The following CHODL variants were observed in gnomAD, a reference collection of about 807,000 sequenced individuals.
The protein encoded by CHODL is transmembrane protein MT75.
Under a neutral mutation model 34.5 loss-of-function variants are expected in CHODL, and 29 were observed. That is an observed-to-expected ratio of 0.84 (90% CI 0.63 to 1.15). The LOEUF (loss-of-function observed/expected upper bound fraction) is 1.15. Ranked by LOEUF, CHODL falls within the 50% of genes most tolerant of loss-of-function variation. The pLI, the probability that CHODL is intolerant of heterozygous loss-of-function variation, is 0.00. For missense variants in CHODL, 332 were observed against 332.5 expected, an observed-to-expected ratio of 1.00 and a Z score of 0.01; for synonymous variants, 125 against 116.1, an observed-to-expected ratio of 1.08 and a Z score of -0.49.
intron 1 of CHODL, among the ~76,000 whole-genome samples, chr21:17,997,726 A>G (rs1289500804): frequency 6.6e-6 from 1 of 152,146 alleles, no homozygotes; most frequent in African/African-American, 2.4e-5. Flanking sequence ...TGCCCATCGG[A>G]TCTCCTGAGA....
At chr21:18,055,829 T>C (rs1054646662) in intron 2 of CHODL, among the ~76,000 whole-genome samples, 2 of 152,098 alleles carry the variant, frequency 1.3e-5, no homozygotes, top group African/African-American at 4.8e-5. Context: ...AATATGTTCA[T>C]AAGAATTCAA....
Position 18,234,946 on chromosome 21 carries a change from T to A in CHODL, c.-44-21563T>A, listed in dbSNP as rs555869392. On this transcript the variant is annotated intron_variant, in intron 2 of 6. Coordinates refer to the CHODL transcript ENST00000400127. ...CTTCAAGTACTAAATGAATTAGTTT[T>A]ATCCATCTGGAAAAGGAAAGAAATA... is the stretch of plus-strand genomic sequence containing the variant. Among the ~76,000 whole-genome samples the A allele has an allele frequency of 2.3e-3, 357 of 152,254 alleles. 3 individuals carry two copies. The highest frequency in any genetic ancestry group is 8.0e-3 in the African/African-American group (332 of 41,560).
At chr21:18,229,130 G>T (rs763696241) in intron 2 of CHODL, among the ~76,000 whole-genome samples, 1 of 152,070 alleles carries the variant, frequency 6.6e-6, no homozygotes, top group Non-Finnish European at 1.5e-5. Flanking sequence ...ATATGATGGA[G>T]CATATAAAAT....
intron 2 of CHODL, among the ~76,000 whole-genome samples, chr21:18,222,296 C>T (rs189333284): frequency 3.9e-5 from 6 of 152,134 alleles, no homozygotes; most frequent in South Asian, 4.2e-4. Flanking sequence ...TCCTGAGGCT[C>T]TCTGCACTAA....
chr21:17,959,471 C>G (rs572714591), intron 1 of CHODL, among the ~76,000 whole-genome samples: 1 of 152,280 alleles, frequency 6.6e-6, no homozygotes, highest in South Asian at 2.1e-4. Flanking sequence ...AAATTCTATA[C>G]TCTGACTTTT....
rs1021577906 is a variant in CHODL, at chr21:18,266,586, A to G, written c.*548A>G. On this transcript the variant is annotated 3_prime_UTR_variant, in exon 6 of 6. Coordinates refer to ENST00000299295, the MANE Select transcript of CHODL (RefSeq NM_024944.3). ...CACACACAAATATAGTACCATAGAA[A>G]AAGTTTGTTTTCTCGAAATAATTCA... 2 of 153,022 alleles carry G rather than the reference A, an allele frequency of 1.3e-5. No individual in the cohort carries two copies. The highest frequency in any genetic ancestry group is 2.4e-5 in the African/African-American group (1 of 41,444). The allele number at this position is 153,022 out of a possible 1,614,324, so 9.5% of individuals were successfully genotyped here. A position where few individuals can be genotyped will look rare whatever the true frequency, so the allele number is the denominator to read the frequency against.
At chr21:18,214,041 T>C (rs2073799551) in intron 2 of CHODL, among the ~76,000 whole-genome samples, 1 of 152,068 alleles carries the variant, frequency 6.6e-6, no homozygotes, top group African/African-American at 2.4e-5. Context: ...TCTCAAGAAG[T>C]TCAATGAGTC....
At chr21:18,089,847 T>A (rs1023492713) in intron 2 of CHODL, among the ~76,000 whole-genome samples, 1 of 152,210 alleles carries the variant, frequency 6.6e-6, no homozygotes, top group African/African-American at 2.4e-5. Context: ...TTTATCTTGA[T>A]AAGCCAAAGC....
At chr21:17,961,456 T>G (rs1396587262) in intron 1 of CHODL, among the ~76,000 whole-genome samples, 2 of 152,214 alleles carry the variant, frequency 1.3e-5, no homozygotes, top group Non-Finnish European at 2.9e-5. Flanking sequence ...AGAGAAAAGC[T>G]TCATTATTTA....
intron 1 of CHODL, among the ~76,000 whole-genome samples, chr21:17,934,446 T>C (rs751520331): frequency 6.6e-6 from 1 of 151,988 alleles, no homozygotes; most frequent in Non-Finnish European, 1.5e-5. Flanking sequence ...TCTCTCTCTC[T>C]CCCTATTAGT....
chr21:18,228,126 C>T (rs1262897611), intron 2 of CHODL, among the ~76,000 whole-genome samples: 4 of 151,986 alleles, frequency 2.6e-5, no homozygotes, highest in East Asian at 1.9e-4. Flanking sequence ...CCCTGAAGTC[C>T]TCTTATGTAC....
chr21:18,188,505 AT>A (rs763547153), intron 2 of CHODL, among the ~76,000 whole-genome samples: 58 of 152,374 alleles, frequency 3.8e-4, no homozygotes, highest in Non-Finnish European at 7.1e-4. Context: ...TTCAAACAAA[AT>A]AGAAATCTTT....
intron 1 of CHODL, among the ~76,000 whole-genome samples, chr21:17,990,632 T>G (rs1404139879): frequency 6.6e-6 from 1 of 152,118 alleles, no homozygotes; most frequent in Admixed American, 6.6e-5. Context: ...CAATGTTAAA[T>G]GTTCGTGTTC....
chr21:18,050,945 A>G (rs2064506391), intron 2 of CHODL, among the ~76,000 whole-genome samples: 1 of 148,462 alleles, frequency 6.7e-6, no homozygotes, highest in Non-Finnish European at 1.5e-5. Flanking sequence ...TTTTATTATT[A>G]TACTTTAAGT....
intron 1 of CHODL, among the ~76,000 whole-genome samples, chr21:18,023,872 C>T (rs574515534): frequency 4.6e-5 from 7 of 152,176 alleles, no homozygotes; most frequent in African/African-American, 1.7e-4. Flanking sequence ...GGAATATAAA[C>T]GCTTCTTGGA....
At chr21:18,241,069 C>T, upstream of CHODL, among the ~76,000 whole-genome samples, 1 of 152,098 alleles carries the variant, frequency 6.6e-6, no homozygotes, top group East Asian at 1.9e-4. Flanking sequence ...TATTCTACAG[C>T]ATAGACATGT....
chr21:18,079,947 T>TA (rs2064920988), intron 2 of CHODL, among the ~76,000 whole-genome samples: 1 of 152,048 alleles, frequency 6.6e-6, no homozygotes, highest in Non-Finnish European at 1.5e-5. Context: ...TTTACATTCT[T>TA]ACCAACAGTG....
chr21:18,215,689 G>A (rs1269978586), intron 2 of CHODL, among the ~76,000 whole-genome samples: 4 of 152,090 alleles, frequency 2.6e-5, no homozygotes, highest in African/African-American at 9.7e-5. Context: ...TCTTGAATTT[G>A]CCATTTGATT....
chr21:18,121,248 C>A (rs767314788), intron 2 of CHODL, among the ~76,000 whole-genome samples: 3 of 152,066 alleles, frequency 2.0e-5, no homozygotes, highest in Non-Finnish European at 2.9e-5. Context: ...CTGTCTTGGG[C>A]CATACATAAA....
Sources: gnomAD v4.1 joint callset for allele counts (sites outside exome capture counted in the v4.1 genomes callset) on GRCh38, gnomAD v4.1.1 for gene constraint, MANE v1.5 for transcripts, NCBI Gene and HGNC (gene_info 2026-07-23, HGNC 2026-07-21) for gene names.